The following GPC6 variants were observed in gnomAD, a reference collection of about 807,000 sequenced individuals.
GPC6 encodes glypican 6.
In GPC6, 14 loss-of-function variants were observed where a neutral mutation model predicts 55.2. The observed-to-expected ratio is 0.25, with a 90% CI of 0.17 to 0.40. The LOEUF (loss-of-function observed/expected upper bound fraction) is 0.40. Among genes scored for constraint, GPC6 ranks in the 10% least tolerant of loss-of-function variants. The probability of loss-of-function intolerance (pLI) is 1.00; values close to 1 mark genes in which losing one functional copy is unlikely to be tolerated. For synonymous variants in GPC6, 278 were observed against 259.6 expected (o/e 1.07, Z -0.68); for missense variants, 641 against 708.5 (o/e 0.90, Z 1.08).
chr13:94,397,685 A>G (rs899322207), intron 7 of GPC6, among the ~76,000 whole-genome samples: 14 of 152,182 alleles, frequency 9.2e-5, no homozygotes, highest in African/African-American at 3.4e-4. Context: ...CTCTTGAATC[A>G]TATGTAATTT....
chr13:93,641,524 T>G (rs1205971567), intron 2 of GPC6, among the ~76,000 whole-genome samples: 1 of 152,128 alleles, frequency 6.6e-6, no homozygotes, highest in Non-Finnish European at 1.5e-5. Flanking sequence ...CACTGAGTGA[T>G]TGTGAGGCTT....
At chr13:93,690,185 G>A (rs1262727627) in intron 2 of GPC6, among the ~76,000 whole-genome samples, 1 of 152,064 alleles carries the variant, frequency 6.6e-6, no homozygotes, top group African/African-American at 2.4e-5. Flanking sequence ...GTAAGGAGCT[G>A]GTATTGGGTT....
chr13:93,746,213 A>G (rs1191030166), intron 2 of GPC6, among the ~76,000 whole-genome samples: 1 of 152,214 alleles, frequency 6.6e-6, no homozygotes, highest in Non-Finnish European at 1.5e-5. Flanking sequence ...AAGCTGTCAT[A>G]ATTGTAGGTG....
chr13:93,478,998 G>T (rs932404877), intron 1 of GPC6, among the ~76,000 whole-genome samples: 7 of 152,180 alleles, frequency 4.6e-5, no homozygotes, highest in Admixed American at 1.3e-4. Context: ...GCAGGCTGTA[G>T]CCTAAGCTAC....
intron 1 of GPC6, among the ~76,000 whole-genome samples, chr13:93,397,749 T>G (rs1464626995): frequency 1.3e-5 from 2 of 151,904 alleles, no homozygotes; most frequent in Non-Finnish European, 2.9e-5. Context: ...AACCATGTTC[T>G]TTTCTCCCTC....
At chr13:93,508,488 G>C (rs1880819124) in intron 1 of GPC6, among the ~76,000 whole-genome samples, 1 of 152,180 alleles carries the variant, frequency 6.6e-6, no homozygotes, top group Non-Finnish European at 1.5e-5. Flanking sequence ...AGAAGCAGAG[G>C]CTGAAATCAT....
chr13:93,438,678 C>CATCCA (rs1877664098), intron 1 of GPC6, among the ~76,000 whole-genome samples: 1 of 152,118 alleles, frequency 6.6e-6, no homozygotes, highest in Non-Finnish European at 1.5e-5. Flanking sequence ...ATGGAATCTA[C>CATCCA]TTCTATTGAG....
intron 4 of GPC6, among the ~76,000 whole-genome samples, chr13:94,276,990 C>T (rs1174809254): frequency 6.6e-6 from 1 of 152,138 alleles, no homozygotes; most frequent in African/African-American, 2.4e-5. Flanking sequence ...ATTTCTGGTT[C>T]TAGATCCTTG....
At chr13:93,888,323 T>G (rs994267854) in intron 3 of GPC6, among the ~76,000 whole-genome samples, 8 of 152,168 alleles carry the variant, frequency 5.3e-5, no homozygotes, top group African/African-American at 1.9e-4. Context: ...TGTTTTTCAT[T>G]ACTGCTGAAT....
At chr13:94,204,466 C>T (rs762335145) in intron 4 of GPC6, among the ~76,000 whole-genome samples, 7 of 152,138 alleles carry the variant, frequency 4.6e-5, no homozygotes, top group Non-Finnish European at 8.8e-5. Context: ...CCTCTATATA[C>T]CACATACTTA....
chr13:94,212,046 C>T (rs545381830), intron 4 of GPC6, among the ~76,000 whole-genome samples: 4 of 152,258 alleles, frequency 2.6e-5, no homozygotes, highest in East Asian at 3.9e-4. Context: ...TTTATTAGCA[C>T]CCTTTTTTAT....
chr13:93,981,081 T>C (rs113454746), intron 3 of GPC6, among the ~76,000 whole-genome samples: 2,804 of 152,294 alleles, frequency 0.018, 100 homozygotes, highest in African/African-American at 0.064. Flanking sequence ...TATCTTATTA[T>C]TCAAAAAGAG....
intron 2 of GPC6, among the ~76,000 whole-genome samples, chr13:93,694,904 T>C (rs542311619): frequency 6.6e-6 from 1 of 152,188 alleles, no homozygotes; most frequent in African/African-American, 2.4e-5. Context: ...ATTAGCCTGT[T>C]TTGAAATAAT....
chr13:94,293,059 CA>C (rs1457627472), intron 5 of GPC6, among the ~76,000 whole-genome samples: 4 of 152,016 alleles, frequency 2.6e-5, no homozygotes, highest in African/African-American at 9.7e-5. Flanking sequence ...TTTTAAAGAC[CA>C]GGGGCAAGAG....
chr13:94,233,848 A>G (rs1277891967), intron 4 of GPC6, among the ~76,000 whole-genome samples: 1 of 152,194 alleles, frequency 6.6e-6, no homozygotes, highest in Non-Finnish European at 1.5e-5. Context: ...TCATAGTTAT[A>G]TATGTACAGA....
intron 2 of GPC6, chr13:93,818,593 T>G (rs1886942571): frequency 6.6e-6 from 1 of 152,204 alleles, no homozygotes; most frequent in South Asian, 2.1e-4. Flanking sequence ...CCCATTGTCC[T>G]GTAATTGATG....
upstream of GPC6, among the ~76,000 whole-genome samples, chr13:93,224,913 G>A (rs554496721): frequency 5.3e-5 from 8 of 152,254 alleles, no homozygotes; most frequent in African/African-American, 9.6e-5. Context: ...TTAGTCATTC[G>A]TCTCATGTAA....
At chr13:93,275,507 A>G (rs991353425) in intron 1 of GPC6, among the ~76,000 whole-genome samples, 1 of 152,226 alleles carries the variant, frequency 6.6e-6, no homozygotes, top group Non-Finnish European at 1.5e-5. Context: ...GAGCTGCCAT[A>G]GTAAAATTCC....
chr13:93,965,228 G>A (rs1203379270), intron 3 of GPC6, among the ~76,000 whole-genome samples: 3 of 149,330 alleles, frequency 2.0e-5, no homozygotes, highest in African/African-American at 4.9e-5. Flanking sequence ...TGGCTAACAC[G>A]GTGAAACCCC....
Sources: gnomAD v4.1 joint callset for allele counts (sites outside exome capture counted in the v4.1 genomes callset) on GRCh38, gnomAD v4.1.1 for gene constraint, MANE v1.5 for transcripts, NCBI Gene and HGNC (gene_info 2026-07-23, HGNC 2026-07-21) for gene names.